TEAD1: variants seen among roughly 807,000 people sequenced by gnomAD.
TEAD1 encodes TEA domain transcription factor 1, also known as transcriptional enhancer factor TEF-1.
Under a neutral mutation model 54.9 loss-of-function variants are expected in TEAD1, and 9 were observed. The ratio of observed to expected loss-of-function variants is 0.16; its 90% confidence interval spans 0.10 to 0.29. TEAD1 has a LOEUF of 0.29. Ranked by LOEUF, TEAD1 falls within the 10% of genes least tolerant of loss-of-function variation. The pLI, the probability that TEAD1 is intolerant of heterozygous loss-of-function variation, is 1.00. For synonymous variants in TEAD1, 200 were observed against 187.8 expected, an observed-to-expected ratio of 1.07 and a Z score of -0.53; for missense variants, 387 against 535.9, an observed-to-expected ratio of 0.72 and a Z score of 2.74.
intron 2 of TEAD1, among the ~76,000 whole-genome samples, chr11:12,757,980 G>A (rs4320935): frequency 0.45 from 68,083 of 151,836 alleles, 16,075 homozygotes; most frequent in South Asian, 0.6. Context: ...GAGTTTCACT[G>A]TGTTGATCAG....
intron 2 of TEAD1, among the ~76,000 whole-genome samples, chr11:12,724,820 C>T (rs747387073): frequency 2.0e-5 from 3 of 152,180 alleles, no homozygotes; most frequent in South Asian, 2.1e-4. Flanking sequence ...CTCCTTTGTA[C>T]TGGTCTTTTG....
intron 2 of TEAD1, among the ~76,000 whole-genome samples, chr11:12,686,115 G>A (rs975818294): frequency 1.3e-5 from 2 of 152,126 alleles, no homozygotes; most frequent in African/African-American, 2.4e-5. Context: ...CCTGGTTTAT[G>A]TTGCTTGTCT....
chr11:12,806,914 A>G (rs1386507305), intron 3 of TEAD1, among the ~76,000 whole-genome samples: 1 of 152,234 alleles, frequency 6.6e-6, no homozygotes, highest in Non-Finnish European at 1.5e-5. Flanking sequence ...GTTGGCTCCC[A>G]TAGGCAAAAT....
chr11:12,736,500 G>T (rs1944535011), intron 2 of TEAD1, among the ~76,000 whole-genome samples: 2 of 152,126 alleles, frequency 1.3e-5, no homozygotes, highest in Non-Finnish European at 2.9e-5. Flanking sequence ...ATAATCACCT[G>T]TCCTCCTTTG....
At chr11:12,936,398 A>G (rs551593144) in intron 12 of TEAD1, among the ~76,000 whole-genome samples, 61 of 152,286 alleles carry the variant, frequency 4.0e-4, no homozygotes, top group African/African-American at 1.4e-3. Context: ...ACAGGATTCT[A>G]CCTATCCCAC....
chr11:12,920,656 T>G (rs1948788025), intron 10 of TEAD1, among the ~76,000 whole-genome samples: 1 of 152,240 alleles, frequency 6.6e-6, no homozygotes, highest in South Asian at 2.1e-4. Context: ...CATTTGATTA[T>G]TTACTAGTCT....
At chr11:12,786,695 A>ACTGT (rs1945684249) in intron 3 of TEAD1, among the ~76,000 whole-genome samples, 1 of 152,162 alleles carries the variant, frequency 6.6e-6, no homozygotes, top group South Asian at 2.1e-4. Context: ...GGCACTGGGG[A>ACTGT]TATTGCAGTG....
intron 2 of TEAD1, among the ~76,000 whole-genome samples, chr11:12,753,432 G>C (rs1294814427): frequency 1.3e-5 from 2 of 152,146 alleles, no homozygotes; most frequent in African/African-American, 2.4e-5. Context: ...AAAATCCTTA[G>C]TATTAGTCTC....
At chr11:12,727,100 C>T (rs1457827870) in intron 2 of TEAD1, among the ~76,000 whole-genome samples, 10 of 151,872 alleles carry the variant, frequency 6.6e-5, no homozygotes, top group African/African-American at 1.9e-4. Context: ...ATCAGCTGGA[C>T]GTGGTGGTGC....
intron 2 of TEAD1, among the ~76,000 whole-genome samples, chr11:12,676,715 G>A (rs1434904611): frequency 1.3e-5 from 2 of 152,042 alleles, no homozygotes; most frequent in Non-Finnish European, 2.9e-5. Context: ...TTGGGGAAAG[G>A]CTTATTTTTC....
chr11:12,813,099 C>T (rs994943247), intron 3 of TEAD1, among the ~76,000 whole-genome samples: 8 of 152,056 alleles, frequency 5.3e-5, no homozygotes, highest in South Asian at 2.1e-4. Flanking sequence ...ACAGTCCAGC[C>T]GGCTTGGAGC....
chr11:12,719,261 A>AT (rs2133862933), intron 2 of TEAD1, among the ~76,000 whole-genome samples: 1 of 152,144 alleles, frequency 6.6e-6, no homozygotes, highest in East Asian at 1.9e-4. Context: ...TGCCTAGTGG[A>AT]TGAGGGACTG....
At chr11:12,885,762 G>A (rs1948074477) in intron 9 of TEAD1, among the ~76,000 whole-genome samples, 1 of 152,156 alleles carries the variant, frequency 6.6e-6, no homozygotes, top group South Asian at 2.1e-4. Context: ...CTCCAGTTAT[G>A]GACCTCTTAG....
At chr11:12,723,294 G>A (rs1360378037) in intron 2 of TEAD1, among the ~76,000 whole-genome samples, 1 of 152,144 alleles carries the variant, frequency 6.6e-6, no homozygotes, top group Non-Finnish European at 1.5e-5. Context: ...ACAAGGTTGA[G>A]TATGGCTTTA....
chr11:12,869,632 C>G (rs896361912), intron 5 of TEAD1, among the ~76,000 whole-genome samples: 1 of 151,988 alleles, frequency 6.6e-6, no homozygotes, highest in African/African-American at 2.4e-5. Context: ...ATATATTAAA[C>G]ACTCATGTTT....
chr11:12,869,550 G>A (rs1053236446), intron 5 of TEAD1, among the ~76,000 whole-genome samples: 5 of 152,218 alleles, frequency 3.3e-5, no homozygotes, highest in African/African-American at 1.2e-4. Flanking sequence ...TTCTCTTAAA[G>A]TAATGGTAAT....
At chr11:12,768,067 A>T (rs758678993) in intron 3 of TEAD1, among the ~76,000 whole-genome samples, 1 of 152,226 alleles carries the variant, frequency 6.6e-6, no homozygotes. Context: ...TGAAAATCCC[A>T]GTCAGATAGA....
At chr11:12,848,649 T>A (rs1947206353) in intron 3 of TEAD1, 1 of 152,108 alleles carries the variant, frequency 6.6e-6, no homozygotes, top group African/African-American at 2.4e-5. Context: ...TTGTGGTGTA[T>A]AAGCACAGTG....
At chr11:12,774,171 G>T (rs1028995931) in intron 3 of TEAD1, among the ~76,000 whole-genome samples, 9 of 152,158 alleles carry the variant, frequency 5.9e-5, no homozygotes, top group African/African-American at 2.2e-4. Flanking sequence ...GGTCATGCAT[G>T]GGAGAGGCAG....
Sources: gnomAD v4.1 joint callset for allele counts (sites outside exome capture counted in the v4.1 genomes callset) on GRCh38, gnomAD v4.1.1 for gene constraint, MANE v1.5 for transcripts, NCBI Gene and HGNC (gene_info 2026-07-23, HGNC 2026-07-21) for gene names.